The following ZNF609 variants were observed in gnomAD, a reference collection of about 807,000 sequenced individuals.
The protein encoded by ZNF609 is zinc finger protein 609.
ZNF609 carries 11 observed loss-of-function variants against 109.5 expected under a neutral mutation model. That is an observed-to-expected ratio of 0.10 (90% CI 0.06 to 0.17). The LOEUF is 0.17. ZNF609 is among the 10% of genes least tolerant of loss of function. ZNF609 has a pLI of 1.00. For synonymous variants in ZNF609, 646 were observed against 662.0 expected, an observed-to-expected ratio of 0.98 and a Z score of 0.37; for missense variants, 1,559 against 1,772.4, an observed-to-expected ratio of 0.88 and a Z score of 2.16.
intron 2 of ZNF609, among the ~76,000 whole-genome samples, chr15:64,596,509 C>T (rs1276203990): frequency 2.0e-5 from 3 of 152,192 alleles, no homozygotes; most frequent in Non-Finnish European, 4.4e-5. Context: ...GCCTATAGTG[C>T]TTATCCCTTG....
chr15:64,485,111 T>G (rs1034740955), intron 1 of ZNF609, among the ~76,000 whole-genome samples: 2 of 152,202 alleles, frequency 1.3e-5, no homozygotes, highest in African/African-American at 2.4e-5. Flanking sequence ...AACTTCCATC[T>G]GTGTAAAACC....
intron 3 of ZNF609, among the ~76,000 whole-genome samples, chr15:64,643,255 C>T (rs537308601): frequency 6.6e-6 from 1 of 152,158 alleles, no homozygotes; most frequent in Admixed American, 6.5e-5. Flanking sequence ...ACATTCCTTG[C>T]TGCAGGCGTG....
intron 1 of ZNF609, among the ~76,000 whole-genome samples, chr15:64,484,652 G>A (rs561315297): frequency 7.3e-6 from 1 of 136,430 alleles, no homozygotes; most frequent in Admixed American, 8.0e-5. Flanking sequence ...CTCCAGCCTG[G>A]GCAACAGGGT....
intron 2 of ZNF609, among the ~76,000 whole-genome samples, chr15:64,562,764 A>G (rs1894700672): frequency 6.6e-6 from 1 of 152,048 alleles, no homozygotes; most frequent in Non-Finnish European, 1.5e-5. Context: ...TAACTCATAC[A>G]TTCATCCCTA....
intron 2 of ZNF609, among the ~76,000 whole-genome samples, chr15:64,543,020 A>G (rs951472303): frequency 6.6e-6 from 1 of 152,166 alleles, no homozygotes; most frequent in African/African-American, 2.4e-5. Flanking sequence ...GAGGGAGAGC[A>G]TTAGGACAAT....
intron 3 of ZNF609, among the ~76,000 whole-genome samples, chr15:64,668,222 C>A (rs1227946974): frequency 6.6e-6 from 1 of 152,116 alleles, no homozygotes; most frequent in East Asian, 1.9e-4. Context: ...CCAATAAAAA[C>A]CAGGACTTCC....
chr15:64,679,033 G>C (rs1331755824), intron 6 of ZNF609, among the ~76,000 whole-genome samples: 1 of 152,204 alleles, frequency 6.6e-6, no homozygotes, highest in Non-Finnish European at 1.5e-5. Context: ...GCTAGATTCA[G>C]CTTGGAAAAG....
At chr15:64,593,511 A>G (rs1595731445) in intron 2 of ZNF609, among the ~76,000 whole-genome samples, 3 of 152,314 alleles carry the variant, frequency 2.0e-5, no homozygotes, top group African/African-American at 4.8e-5. Context: ...TCTAGGAGAA[A>G]TAAGTCATCC....
chr15:64,576,741 C>G (rs1024297885), intron 2 of ZNF609, among the ~76,000 whole-genome samples: 1 of 148,692 alleles, frequency 6.7e-6, no homozygotes, highest in African/African-American at 2.5e-5. Context: ...GAGTTCGAGA[C>G]CAGCCTGGGA....
At chr15:64,657,180 A>T (rs1896502376) in intron 3 of ZNF609, among the ~76,000 whole-genome samples, 1 of 151,026 alleles carries the variant, frequency 6.6e-6, no homozygotes, top group African/African-American at 2.4e-5. Flanking sequence ...AATCACTTGA[A>T]CCCAGGAGGT....
At chr15:64,492,949 A>G (rs923560135) in intron 1 of ZNF609, among the ~76,000 whole-genome samples, 3 of 152,198 alleles carry the variant, frequency 2.0e-5, no homozygotes, top group Non-Finnish European at 4.4e-5. Context: ...CCTAATATCC[A>G]TATTTTGTGT....
chr15:64,552,767 G>T (rs1840608335), intron 2 of ZNF609, among the ~76,000 whole-genome samples: 1 of 152,088 alleles, frequency 6.6e-6, no homozygotes, highest in South Asian at 2.1e-4. Context: ...GTTGGCCTCA[G>T]GCTCCCAAGT....
At chr15:64,554,292 G>A (rs1024551153) in intron 2 of ZNF609, among the ~76,000 whole-genome samples, 6 of 152,148 alleles carry the variant, frequency 3.9e-5, no homozygotes, top group Non-Finnish European at 8.8e-5. Flanking sequence ...ATGGATGTTA[G>A]ATTTTGCCAA....
intron 1 of ZNF609, among the ~76,000 whole-genome samples, chr15:64,485,123 A>G (rs926547701): frequency 2.0e-5 from 3 of 152,220 alleles, no homozygotes; most frequent in African/African-American, 7.2e-5. Flanking sequence ...TGTAAAACCA[A>G]GGTTTGTTTA....
chr15:64,509,513 C>T (rs1476299222), intron 2 of ZNF609, among the ~76,000 whole-genome samples: 1 of 152,040 alleles, frequency 6.6e-6, no homozygotes, highest in Admixed American at 6.6e-5. Flanking sequence ...AGAATTAATC[C>T]CCTGAAGGCT....
At chr15:64,603,034 C>G (rs540913800) in intron 2 of ZNF609, among the ~76,000 whole-genome samples, 9 of 150,416 alleles carry the variant, frequency 6.0e-5, no homozygotes, top group African/African-American at 2.2e-4. Context: ...CGTGAGCTGC[C>G]GTGCCCGGCA....
At chr15:64,639,183 C>A (rs1473287707) in intron 3 of ZNF609, among the ~76,000 whole-genome samples, 1 of 152,210 alleles carries the variant, frequency 6.6e-6, no homozygotes, top group Non-Finnish European at 1.5e-5. Context: ...GCCATCACCA[C>A]TGTTCTCCAC....
intron 2 of ZNF609, among the ~76,000 whole-genome samples, chr15:64,559,058 C>A (rs371642448): frequency 1.3e-5 from 2 of 152,278 alleles, no homozygotes; most frequent in East Asian, 3.9e-4. Flanking sequence ...AAATTCTCTT[C>A]TGTGGCTTTG....
chr15:64,564,214 A>G (rs1402106141), intron 2 of ZNF609, among the ~76,000 whole-genome samples: 1 of 151,770 alleles, frequency 6.6e-6, no homozygotes, highest in African/African-American at 2.4e-5. Flanking sequence ...TTATCAGATC[A>G]AAAAAACAGT....
Sources: allele counts gnomAD v4.1 joint callset (sites outside exome capture counted in the v4.1 genomes callset), GRCh38; gene constraint gnomAD v4.1.1; transcripts MANE v1.5; gene names NCBI Gene and HGNC (gene_info 2026-07-23, HGNC 2026-07-21).